The following ZHX3 variants were observed in gnomAD, a reference collection of about 807,000 sequenced individuals.
ZHX3 encodes the protein zinc fingers and homeoboxes protein 3.
Under a neutral mutation model 64.5 loss-of-function variants are expected in ZHX3, and 20 were observed. The observed-to-expected ratio is 0.31, with a 90% CI of 0.22 to 0.45. ZHX3 has a LOEUF of 0.45. Among genes scored for constraint, ZHX3 ranks in the 20% least tolerant of loss-of-function variants. The pLI is 1.00. For synonymous variants in ZHX3, 423 were observed against 461.6 expected (o/e 0.92, Z 1.07); for missense variants, 1,041 against 1,195.8 (o/e 0.87, Z 1.91).
At chr20:41,209,830 A>C (rs1254288421) in intron 2 of ZHX3, among the ~76,000 whole-genome samples, 4 of 152,140 alleles carry the variant, frequency 2.6e-5, no homozygotes, top group Non-Finnish European at 4.4e-5. Flanking sequence ...GCAACAAAAG[A>C]CAAAATTGAC....
intron 2 of ZHX3, among the ~76,000 whole-genome samples, chr20:41,250,184 C>A (rs77155494): frequency 6.6e-6 from 1 of 152,108 alleles, no homozygotes; most frequent in African/African-American, 2.4e-5. Context: ...CCAACAGGGA[C>A]TAGTGGGAGC....
chr20:41,232,586 T>C lies in ZHX3; in HGVS notation c.-150-27520A>G, dbSNP rs2040686189. 6.6e-6 allele frequency among the ~76,000 whole-genome samples: 1 copy of C among 152,108 alleles called. No homozygotes were observed. The highest frequency in any genetic ancestry group is 1.5e-5 in the Non-Finnish European group (1 of 68,020). On this transcript the variant is annotated intron_variant, in intron 2 of 3. Coordinates refer to ENST00000683867, the MANE Select transcript of ZHX3 (RefSeq NM_001384317.1). This position sits in a 1 kb window ranked among gnomAD's most constrained non-coding sequence, Gnocchi z 5.0. Reference sequence around the variant, plus strand: ...TGGTGTACATAGCTGTCTTCTAATCTAGGAAAATTCTTCTTTTTTTTTTGA... The same window carrying C: ...TGGTGTACATAGCTGTCTTCTAATCCAGGAAAATTCTTCTTTTTTTTTTGA...
chr20:41,210,268 C>T (rs1178243960), intron 2 of ZHX3, among the ~76,000 whole-genome samples: 1 of 152,200 alleles, frequency 6.6e-6, no homozygotes, highest in Non-Finnish European at 1.5e-5. Context: ...ACTAGTTCAA[C>T]CATTGTGGAA....
intron 2 of ZHX3, among the ~76,000 whole-genome samples, chr20:41,253,794 G>T (rs1256201840): frequency 9.9e-5 from 15 of 152,122 alleles, no homozygotes; most frequent in Non-Finnish European, 1.5e-5. Context: ...AGTGAGGGGG[G>T]AATGCATCGA....
At position 41,201,823 on chromosome 20, in the gene ZHX3, C is replaced by T. The variant is rs560282848; in HGVS notation, c.2860+234G>A. On this transcript the variant is annotated intron_variant, in intron 3 of 3. Coordinates refer to ENST00000683867, the MANE Select transcript of ZHX3 (RefSeq NM_001384317.1). The surrounding 1 kb of genome is among the most constrained non-coding windows in gnomAD (Gnocchi z 5.0). ...CCTTTAGGGTCACCATGTTCCTTCC[C>T]CTGCGCAGGTTTTTAAAAACACATG... 1.3e-5 allele frequency among the ~76,000 whole-genome samples: 2 copies of T among 152,294 alleles called. No individual in the cohort carries two copies. The highest frequency in any genetic ancestry group is 4.8e-5 in the African/African-American group (2 of 41,546).
Position 41,228,371 on chromosome 20 carries a change from T to C in ZHX3, c.-150-23305A>G, listed in dbSNP as rs1345437495. The stretch of plus-strand genomic sequence containing the variant: ...AAAAATATAGCCTAGGTCTACTTCC[T>C]AAATCTTCATTTCACCTCTCACCAT... On this transcript the variant is annotated intron_variant, in intron 2 of 3. Coordinates refer to ENST00000683867, the MANE Select transcript of ZHX3 (RefSeq NM_001384317.1). The surrounding 1 kb of genome is among the most constrained non-coding windows in gnomAD (Gnocchi z 4.6). Among the ~76,000 whole-genome samples, 2 of 152,222 alleles carry C rather than the reference T, an allele frequency of 1.3e-5. No homozygotes were observed. The highest frequency in any genetic ancestry group is 2.4e-5 in the African/African-American group (1 of 41,462).
intron 2 of ZHX3, chr20:41,238,920 GAA>G (rs940328782): frequency 6.6e-6 from 1 of 151,244 alleles, no homozygotes; most frequent in African/African-American, 2.4e-5. Context: ...CATGCAAATG[GAA>G]AGTTCAGCGG....
At chr20:41,281,325 G>A (rs2043666501) in intron 1 of ZHX3, among the ~76,000 whole-genome samples, 1 of 152,164 alleles carries the variant, frequency 6.6e-6, no homozygotes, top group South Asian at 2.1e-4. Flanking sequence ...TACTCTGGGG[G>A]TAAGTAGGAA....
intron 2 of ZHX3, among the ~76,000 whole-genome samples, chr20:41,263,907 A>C (rs1055802168): frequency 3.3e-5 from 5 of 152,214 alleles, no homozygotes; most frequent in Admixed American, 2.0e-4. Flanking sequence ...AGTTGCTGTG[A>C]ATAGACTAAA....
chr20:41,208,328 C>T (rs950481516), intron 2 of ZHX3, among the ~76,000 whole-genome samples: 6 of 152,198 alleles, frequency 3.9e-5, no homozygotes, highest in African/African-American at 1.4e-4. Flanking sequence ...GGAATCCTCC[C>T]TAATTCATTT....
At chr20:41,263,831 A>G (rs1457038677) in intron 2 of ZHX3, among the ~76,000 whole-genome samples, 3 of 152,206 alleles carry the variant, frequency 2.0e-5, no homozygotes, top group African/African-American at 7.2e-5. Context: ...AGGAATAACA[A>G]TGAATGGGAA....
intron 1 of ZHX3, among the ~76,000 whole-genome samples, chr20:41,308,990 C>T (rs1425821391): frequency 1.3e-5 from 2 of 152,098 alleles, no homozygotes; most frequent in East Asian, 3.8e-4. Flanking sequence ...AACCCTAATT[C>T]GACCTATTCC....
intron 1 of ZHX3, among the ~76,000 whole-genome samples, chr20:41,309,581 T>C (rs888060793): frequency 6.6e-6 from 1 of 152,206 alleles, no homozygotes; most frequent in Non-Finnish European, 1.5e-5. Flanking sequence ...ACCTGGGCCA[T>C]GGCCGACTCC....
intron 2 of ZHX3, among the ~76,000 whole-genome samples, chr20:41,250,056 C>T (rs976512679): frequency 2.0e-5 from 3 of 152,044 alleles, no homozygotes; most frequent in Admixed American, 6.6e-5. Flanking sequence ...AACACTTTTC[C>T]CCCCAACTAC....
chr20:41,248,988 G>A (rs1045844444), intron 2 of ZHX3, among the ~76,000 whole-genome samples: 3 of 152,296 alleles, frequency 2.0e-5, no homozygotes, highest in African/African-American at 4.8e-5. Context: ...AATGGGTGGG[G>A]ATAAATAGTA....
intron 1 of ZHX3, among the ~76,000 whole-genome samples, chr20:41,310,037 C>T (rs985358794): frequency 6.6e-6 from 1 of 152,226 alleles, no homozygotes; most frequent in Non-Finnish European, 1.5e-5. Flanking sequence ...TTCAACAACA[C>T]TGGTCCTTTT....
rs573840676 is a variant in ZHX3 at position 41,310,646 on chromosome 20, C to T, written c.-245+6863G>A. ...ATAGCCAGCTTCTTGAAAGATCTCT[C>T]TACCCTGAGAATACTTCTAAAGATG... On this transcript the variant is annotated intron_variant, in intron 1 of 3. Coordinates refer to ENST00000683867, the MANE Select transcript of ZHX3 (RefSeq NM_001384317.1). Among the ~76,000 whole-genome samples the T allele has an allele frequency of 2.6e-5, 4 of 151,298 alleles. No individual in the cohort carries two copies. In the South Asian group the frequency reaches 8.4e-4, roughly 32 times the overall value.
intron 2 of ZHX3, among the ~76,000 whole-genome samples, chr20:41,222,441 G>A (rs2040004491): frequency 6.6e-6 from 1 of 152,174 alleles, no homozygotes; most frequent in East Asian, 1.9e-4. Flanking sequence ...AACTGGTTTG[G>A]TCACAAGTGT....
intron 2 of ZHX3, among the ~76,000 whole-genome samples, chr20:41,262,493 GT>G (rs1366198110): frequency 6.6e-6 from 1 of 152,124 alleles, no homozygotes; most frequent in Non-Finnish European, 1.5e-5. Flanking sequence ...GGTACATACA[GT>G]AACATTTAGC....
Sources: gnomAD v4.1 joint callset for allele counts (sites outside exome capture counted in the v4.1 genomes callset) on GRCh38, gnomAD v4.1.1 for gene constraint, Gnocchi (gnomAD v3.1) non-coding constraint, MANE v1.5 for transcripts, NCBI Gene and HGNC (gene_info 2026-07-23, HGNC 2026-07-21) for gene names.